Variants in CCDC85A observed in about 807,000 individuals in gnomAD.
CCDC85A encodes the protein coiled-coil domain containing 85A, also known as coiled-coil domain-containing protein 85A.
CCDC85A carries 38 observed loss-of-function variants against 50.2 expected under a neutral mutation model. That is an observed-to-expected ratio of 0.76 (90% CI 0.58 to 0.99). The LOEUF is 0.99. CCDC85A is among the 50% of genes least tolerant of loss of function. The pLI is 0.00. For synonymous variants in CCDC85A, 366 were observed against 301.4 expected, an observed-to-expected ratio of 1.21 and a Z score of -2.22; for missense variants, 820 against 742.0, an observed-to-expected ratio of 1.11 and a Z score of -1.22.
At chr2:56,204,528 G>A (rs1440064002) in intron 2 of CCDC85A, among the ~76,000 whole-genome samples, 2 of 152,178 alleles carry the variant, frequency 1.3e-5, no homozygotes, top group Non-Finnish European at 2.9e-5. Context: ...CACAGTCCAT[G>A]CTGCCTCCAG....
intron 2 of CCDC85A, among the ~76,000 whole-genome samples, chr2:56,303,192 G>A (rs920633455): frequency 1.6e-4 from 24 of 152,072 alleles, no homozygotes; most frequent in Admixed American, 6.6e-5. Flanking sequence ...TACTTGATTC[G>A]GAGTGCGCTT....
chr2:56,199,932 A>G (rs1676664315), intron 2 of CCDC85A, among the ~76,000 whole-genome samples: 1 of 152,152 alleles, frequency 6.6e-6, no homozygotes, highest in African/African-American at 2.4e-5. Flanking sequence ...GCGGTGGCGC[A>G]GTCTTGGCTC....
At chr2:56,363,709 C>G (rs1476482807) in intron 3 of CCDC85A, among the ~76,000 whole-genome samples, 3 of 152,202 alleles carry the variant, frequency 2.0e-5, no homozygotes, top group Non-Finnish European at 4.4e-5. Flanking sequence ...TCCTGGGGCT[C>G]TAGTTCTGTG....
At chr2:56,221,331 G>A (rs903115798) in intron 2 of CCDC85A, among the ~76,000 whole-genome samples, 3 of 151,606 alleles carry the variant, frequency 2.0e-5, no homozygotes, top group African/African-American at 4.8e-5. Context: ...CCATTTAACC[G>A]ACTTAACAGA....
chr2:56,365,870 C>T (rs886621393), intron 3 of CCDC85A, among the ~76,000 whole-genome samples: 1 of 152,152 alleles, frequency 6.6e-6, no homozygotes, highest in African/African-American at 2.4e-5. Flanking sequence ...TTCCTCCTGT[C>T]TAACTGAAAT....
Position 56,184,139 on chromosome 2 carries a change from C to T in CCDC85A, c.-486C>T. On this transcript the variant is annotated 5_prime_UTR_variant, in exon 1 of 6. Transcript: ENST00000407595. Reference sequence around the variant, plus strand: ...GCCGGGGAGGCGCCGCGGTGCCCGGCGCGCCCTCCAAGCTAGGAGAGGGGA... The same window carrying T: ...GCCGGGGAGGCGCCGCGGTGCCCGGTGCGCCCTCCAAGCTAGGAGAGGGGA... The T allele has an allele frequency of 1.7e-5, 17 of 985,620 alleles. No individual in the cohort carries two copies. Among genetic ancestry groups the T allele is most frequent in the Non-Finnish European group, 1.9e-5 (16 of 830,218 alleles). 61.1% of individuals were successfully genotyped at this position (985,620 alleles called of 1,614,324 possible).
Position 56,384,341 on chromosome 2 carries a change from A to G in CCDC85A, c.1648A>G (p.Lys550Glu), listed in dbSNP as rs895691503. Residue 550 changes from lysine to glutamate, a missense_variant, in exon 6 of 6, where the codon AAA (lysine) becomes GAA (glutamate). Lys to Glu is a moderately conservative substitution (Grantham distance 56, BLOSUM62 1). Transcript: ENST00000407595. ...IRQHLSGNQYKGPM is the reference protein window; with the variant it reads ...IRQHLSGNQYEGPM ...GCAACATTTGTCAGGAAACCAGTAC[A>G]AAGGACCAATGTGAGATGCACTCTT... 5.0e-6 allele frequency: 8 copies of G among 1,611,206 alleles called. No homozygotes were observed. The highest frequency in any genetic ancestry group is 6.8e-6 in the Non-Finnish European group (8 of 1,178,102).
chr2:56,369,811 C>T (rs1432418654), intron 3 of CCDC85A, among the ~76,000 whole-genome samples: 1 of 152,054 alleles, frequency 6.6e-6, no homozygotes, highest in Non-Finnish European at 1.5e-5. Context: ...CTTTCCTCCT[C>T]ACAAATTTTT....
chr2:56,316,792 T>C (rs1339162983), intron 2 of CCDC85A, among the ~76,000 whole-genome samples: 1 of 152,188 alleles, frequency 6.6e-6, no homozygotes, highest in Non-Finnish European at 1.5e-5. Flanking sequence ...AGATTCCCAC[T>C]TCTGTTTCAG....
chr2:56,341,111 C>T (rs968210838), intron 2 of CCDC85A, among the ~76,000 whole-genome samples: 65 of 152,234 alleles, frequency 4.3e-4, no homozygotes, highest in African/African-American at 1.5e-3. Flanking sequence ...GGGAGGGGAG[C>T]ATGTGCAGTG....
chr2:56,267,427 G>A (rs138607333), intron 2 of CCDC85A, among the ~76,000 whole-genome samples: 36 of 152,170 alleles, frequency 2.4e-4, no homozygotes, highest in African/African-American at 7.7e-4. Context: ...TACATATGGC[G>A]CACACTTAAA....
Position 56,184,543 on chromosome 2 carries a change from C to A in CCDC85A, c.-82C>A. The A allele has an allele frequency of 7.5e-7, 1 of 1,333,460 alleles. No homozygotes were observed. The highest frequency in any genetic ancestry group is 9.6e-7 in the Non-Finnish European group (1 of 1,044,086). The allele number at this position is 1,333,460 out of a possible 1,614,324, so 82.6% of individuals were successfully genotyped here. A position where few individuals can be genotyped will look rare whatever the true frequency, so the allele number is the denominator to read the frequency against. On this transcript the variant is annotated 5_prime_UTR_variant, in exon 1 of 6. Transcript: ENST00000407595. Reference sequence around the variant, plus strand: ...TCGCCGGAGCGCACAGGGGTGTGGGCGGAGGCGGCCTCGCCGCGCCCGCGC... The same window carrying A: ...TCGCCGGAGCGCACAGGGGTGTGGGAGGAGGCGGCCTCGCCGCGCCCGCGC...
At chr2:56,299,638 G>T (rs550672028) in intron 2 of CCDC85A, among the ~76,000 whole-genome samples, 27 of 152,088 alleles carry the variant, frequency 1.8e-4, no homozygotes, top group Non-Finnish European at 3.8e-4. Flanking sequence ...TCAGAAAAGG[G>T]CATTCCAGCT....
At chr2:56,289,905 A>G (rs1259254925) in intron 2 of CCDC85A, among the ~76,000 whole-genome samples, 2 of 152,158 alleles carry the variant, frequency 1.3e-5, no homozygotes, top group Non-Finnish European at 1.5e-5. Flanking sequence ...TTAATACTTA[A>G]TATTTTATAT....
chr2:56,214,971 A>G (rs1235937227), intron 2 of CCDC85A, among the ~76,000 whole-genome samples: 2 of 151,968 alleles, frequency 1.3e-5, no homozygotes, highest in Non-Finnish European at 2.9e-5. Flanking sequence ...AAGAATTGAT[A>G]CTTTAACAGT....
At chr2:56,302,789 T>C (rs1284333888) in intron 2 of CCDC85A, among the ~76,000 whole-genome samples, 1 of 152,238 alleles carries the variant, frequency 6.6e-6, no homozygotes, top group Non-Finnish European at 1.5e-5. Context: ...AAGGTCTTTT[T>C]CACCTTTCTT....
intron 3 of CCDC85A, among the ~76,000 whole-genome samples, chr2:56,369,036 A>G (rs1158871031): frequency 1.3e-5 from 2 of 152,122 alleles, no homozygotes; most frequent in Non-Finnish European, 2.9e-5. Flanking sequence ...TGCAGAGATC[A>G]CACATCAAAT....
intron 2 of CCDC85A, among the ~76,000 whole-genome samples, chr2:56,251,431 G>A (rs1669752690): frequency 6.6e-6 from 1 of 152,216 alleles, no homozygotes; most frequent in South Asian, 2.1e-4. Flanking sequence ...GGCCTTGCCA[G>A]TTTGGTTGCT....
At chr2:56,363,562 G>C (rs1417600904) in intron 3 of CCDC85A, among the ~76,000 whole-genome samples, 1 of 152,016 alleles carries the variant, frequency 6.6e-6, no homozygotes, top group Non-Finnish European at 1.5e-5. Context: ...ATTTTGCATG[G>C]GAGCTTCATA....
Sources: gnomAD v4.1 joint callset for allele counts (sites outside exome capture counted in the v4.1 genomes callset) on GRCh38, gnomAD v4.1.1 for gene constraint, MANE v1.5 for transcripts, NCBI Gene and HGNC (gene_info 2026-07-23, HGNC 2026-07-21) for gene names.